Variants in NT5C1B observed in about 807,000 individuals in gnomAD.
The protein encoded by NT5C1B is cytosolic 5'-nucleotidase 1B.
In NT5C1B, 44 loss-of-function variants were observed where a neutral mutation model predicts 57.8. That is an observed-to-expected ratio of 0.76 (90% confidence interval 0.60 to 0.98). NT5C1B has a LOEUF of 0.98. Among genes scored for constraint, NT5C1B ranks in the 50% least tolerant of loss-of-function variants. NT5C1B has a pLI of 0.00. For synonymous variants in NT5C1B, 284 were observed against 282.6 expected (o/e 1.00, Z -0.05); for missense variants, 742 against 719.5 (o/e 1.03, Z -0.36).
intron 8 of NT5C1B, 25 bp from the exon 9 acceptor site, chr2:18,564,144 C>A: frequency 6.6e-7 from 1 of 1,524,606 alleles, no homozygotes; most frequent in South Asian, 1.3e-5. Flanking sequence ...TATATCACAG[C>A]TGTGATACAG....
chr2:18,576,356 G>A (rs529380313), exon 8 of NT5C1B: 53 of 1,612,382 alleles, frequency 3.3e-5, no homozygotes, highest in East Asian at 2.0e-4. Context: ...AAACATTGTC[G>A]CAGAGGCAAT....
chr2:18,564,033 C>A (rs746281928), exon 9 of NT5C1B: 1 of 1,613,426 alleles, frequency 6.2e-7, no homozygotes, highest in Non-Finnish European at 8.5e-7. Context: ...CCAGGTAGGT[C>A]CTGATAGGAC....
At chr2:18,569,085 T>C (rs1191892668) in intron 8 of NT5C1B, among the ~76,000 whole-genome samples, 2 of 152,184 alleles carry the variant, frequency 1.3e-5, no homozygotes, top group African/African-American at 4.8e-5. Context: ...ATATGACAAC[T>C]GTAGCACAAA....
chr2:18,575,197 T>C (rs1665566057), intron 8 of NT5C1B, among the ~76,000 whole-genome samples: 2 of 152,050 alleles, frequency 1.3e-5, no homozygotes, highest in South Asian at 4.1e-4. Context: ...CAGAGTAGAC[T>C]GATATAAAAT....
intron 8 of NT5C1B, among the ~76,000 whole-genome samples, chr2:18,573,059 C>A (rs1299363939): frequency 6.6e-6 from 1 of 152,060 alleles, no homozygotes; most frequent in Non-Finnish European, 1.5e-5. Context: ...ACTCCTTCAA[C>A]AGGTAAATGA....
intron 8 of NT5C1B, among the ~76,000 whole-genome samples, chr2:18,572,257 A>G (rs1665275043): frequency 6.6e-6 from 1 of 152,204 alleles, no homozygotes; most frequent in Non-Finnish European, 1.5e-5. Flanking sequence ...AGGAAAAATG[A>G]ACCACAACTT....
At chr2:18,586,822 C>CT in intron 2 of NT5C1B, 1 of 1,265,392 alleles carries the variant, frequency 7.9e-7, no homozygotes, top group Non-Finnish European at 1.1e-6. Flanking sequence ...CAGGGGGACT[C>CT]TAAGGCAGCT....
intron 6 of NT5C1B, among the ~76,000 whole-genome samples, chr2:18,579,698 A>G (rs1666013997): frequency 6.6e-6 from 1 of 152,172 alleles, no homozygotes; most frequent in South Asian, 2.1e-4. Flanking sequence ...AGGAAAACCT[A>G]GGAAATACCA....
intron 2 of NT5C1B, 189 bp downstream of exon 2, chr2:18,587,314 G>A (rs948433896): frequency 4.1e-6 from 6 of 1,475,124 alleles, no homozygotes; most frequent in Non-Finnish European, 5.4e-6. Flanking sequence ...GAACACTAGG[G>A]TATGGATGGA....
chr2:18,571,718 G>GTGTGTGTATATATA (rs1246189018), intron 8 of NT5C1B, among the ~76,000 whole-genome samples: 8 of 111,452 alleles, frequency 7.2e-5, no homozygotes, highest in African/African-American at 1.6e-4. Flanking sequence ...CTGTGTGTGT[G>GTGTGTGTATATATA]TATATATATA....
rs150115174 is a variant in NT5C1B at position 18,587,795 on chromosome 2, A to G, written c.31-203T>C. ...TATTTTATTAAAAAGAATTATATAAACAAGTTTTAATATAGAAATTTGTTG... is the reference window on the plus strand; with the variant it reads ...TATTTTATTAAAAAGAATTATATAAGCAAGTTTTAATATAGAAATTTGTTG... On this transcript the variant is annotated intron_variant, in intron 1 of 8. Coordinates refer to ENST00000304081, the Ensembl canonical transcript of NT5C1B. 2.9e-4 allele frequency among the ~76,000 whole-genome samples: 44 copies of G among 152,306 alleles called. No homozygotes were observed. The East Asian group carries it at 7.3e-3, about 25-fold the overall frequency.
chr2:18,583,038 C>A, intron 5 of NT5C1B, 41 bp from the exon 6 acceptor site: 2 of 1,593,672 alleles, frequency 1.3e-6, no homozygotes, highest in Non-Finnish European at 8.6e-7. Flanking sequence ...GAGGGGCAGG[C>A]AGGGTGGATC....
chr2:18,586,872 G>A lies in NT5C1B; in HGVS notation c.121-481C>T, dbSNP rs1430861595. 4.0e-6 allele frequency: 6 copies of A among 1,500,348 alleles called. No homozygotes were observed. The East Asian group carries it at 1.2e-4, about 31-fold the overall frequency. The allele number at this position is 1,500,348 out of a possible 1,614,324, so 92.9% of individuals were successfully genotyped here. A position where few individuals can be genotyped will look rare whatever the true frequency, so the allele number is the denominator to read the frequency against. On this transcript the variant is annotated intron_variant, in intron 2 of 8. Transcript: ENST00000304081. ...GAGCCCTCAAGCTTTTCTTTTAGGA[G>A]AAACAAGAATGAAGGACCCCCCGGA...
chr2:18,564,470 C>G (rs114132724), intron 8 of NT5C1B, among the ~76,000 whole-genome samples: 1 of 152,168 alleles, frequency 6.6e-6, no homozygotes, highest in African/African-American at 2.4e-5. Flanking sequence ...TAAATAAACT[C>G]TAATTAGTTA....
At chr2:18,564,173 T>C (rs1664429946) in intron 8 of NT5C1B, 54 bp from the exon 9 acceptor site, 2 of 1,501,410 alleles carry the variant, frequency 1.3e-6, no homozygotes, top group Admixed American at 2.3e-5. Flanking sequence ...AGAAAGTGAA[T>C]GCTAAAAAGC....
chr2:18,564,198 T>C, intron 8 of NT5C1B, 79 bp from the exon 9 acceptor site: 1 of 1,446,638 alleles, frequency 6.9e-7, no homozygotes, highest in Non-Finnish European at 9.2e-7. Context: ...ACCTATATGA[T>C]ACGATACAAT....
intron 8 of NT5C1B, among the ~76,000 whole-genome samples, chr2:18,568,786 C>T (rs1323308304): frequency 3.9e-5 from 6 of 152,112 alleles, no homozygotes; most frequent in Admixed American, 1.3e-4. Flanking sequence ...GAAACTCAAA[C>T]CCGCTTGGAG....
chr2:18,579,618 T>G (rs539369351), intron 6 of NT5C1B, among the ~76,000 whole-genome samples: 9 of 152,242 alleles, frequency 5.9e-5, no homozygotes, highest in Admixed American at 3.3e-4. Context: ...CCCCTTTCTT[T>G]CACCAGATAC....
Position 18,584,244 on chromosome 2 carries a change from C to T in NT5C1B, c.735G>A (p.Lys245=). 1.2e-6 allele frequency: 2 copies of T among 1,613,750 alleles called. No individual in the cohort carries two copies. The highest frequency in any genetic ancestry group is 1.1e-5 in the South Asian group (1 of 91,056). The change falls in exon 5 of 9, where the codon AAG becomes AAA. Residue 245 remains lysine, a synonymous_variant. Coordinates refer to ENST00000304081, the Ensembl canonical transcript of NT5C1B. This position sits in a 1 kb window ranked among gnomAD's most constrained non-coding sequence, Gnocchi z 5.8. Reference sequence around the variant, plus strand: ...ATGAGAGAGCAATGGTGATGGCGTTCTTGGGTTTGGGCTGCAGAGAGGGAC... The same window carrying T: ...ATGAGAGAGCAATGGTGATGGCGTTTTTGGGTTTGGGCTGCAGAGAGGGAC...
Sources: allele counts gnomAD v4.1 joint callset (sites outside exome capture counted in the v4.1 genomes callset), GRCh38; gene constraint gnomAD v4.1.1; non-coding constraint Gnocchi (gnomAD v3.1); transcripts MANE v1.5; gene names NCBI Gene and HGNC (gene_info 2026-07-23, HGNC 2026-07-21).